CFAP44: variants seen among roughly 807,000 people sequenced by gnomAD.
The protein encoded by CFAP44 is cilia and flagella associated protein 44, also known as cilia- and flagella-associated protein 44.
A neutral mutation model predicts 216.2 loss-of-function variants in CFAP44; 134 were observed. The ratio of observed to expected loss-of-function variants is 0.62; its 90% CI spans 0.54 to 0.72. The LOEUF (loss-of-function observed/expected upper bound fraction) is 0.72. Ranked by LOEUF, CFAP44 falls within the 30% of genes least tolerant of loss-of-function variation. The pLI is 0.00. For synonymous variants in CFAP44, 700 were observed against 727.6 expected (o/e 0.96, Z 0.61); for missense variants, 2,035 against 2,182.1 (o/e 0.93, Z 1.34).
intron 24 of CFAP44, 125 bp downstream of exon 24, chr3:113,341,618 TG>T (rs1477398901): frequency 8.9e-7 from 1 of 1,119,142 alleles, no homozygotes; most frequent in Non-Finnish European, 1.2e-6. Context: ...TCTCCTTCTT[TG>T]TTTTTATTGT....
At chr3:113,326,696 A>G in intron 27 of CFAP44, 56 bp from the exon 28 acceptor site, 1 of 1,117,640 alleles carries the variant, frequency 8.9e-7, no homozygotes, top group Non-Finnish European at 1.2e-6. Context: ...CCAAGTTCAG[A>G]GAGCAATGTA....
intron 28 of CFAP44, among the ~76,000 whole-genome samples, chr3:113,312,885 A>T (rs1229882734): frequency 1.3e-5 from 2 of 152,132 alleles, no homozygotes; most frequent in African/African-American, 2.4e-5. Flanking sequence ...ATGTATGGAA[A>T]TGCCTGGATA....
chr3:113,435,734 T>TC (rs1935221412), intron 1 of CFAP44, among the ~76,000 whole-genome samples: 2 of 20,200 alleles, frequency 9.9e-5, no homozygotes, highest in Non-Finnish European at 2.1e-4. Flanking sequence ...GCTTCTAAAA[T>TC]TAAAAAAAAA....
chr3:113,311,558 T>C (rs1400127631), intron 28 of CFAP44, among the ~76,000 whole-genome samples: 1 of 152,200 alleles, frequency 6.6e-6, no homozygotes, highest in Non-Finnish European at 1.5e-5. Flanking sequence ...TAAGTCCAAT[T>C]AAACCTCTTT....
chr3:113,373,319 G>A lies in CFAP44; in HGVS notation c.2444+92C>T, dbSNP rs1478413354. The A allele has an allele frequency of 3.2e-6, 4 of 1,249,142 alleles. No homozygotes were observed. The African/African-American group carries it at 4.6e-5, about 14-fold the overall frequency. The allele number at this position is 1,249,142 out of a possible 1,614,324, so 77.4% of individuals were successfully genotyped here. On this transcript the variant is annotated intron_variant, in intron 18 of 34. Coordinates refer to ENST00000393845, the MANE Select transcript of CFAP44 (RefSeq NM_001164496.2). ...TTTTTGAGTACCCCTTCATTTGGAT[G>A]GATCTTTAAAAATTGACAATATCCA...
At chr3:113,431,936 C>A (rs1935116672) in intron 2 of CFAP44, among the ~76,000 whole-genome samples, 9 of 152,120 alleles carry the variant, frequency 5.9e-5, no homozygotes, top group Admixed American at 5.9e-4. Flanking sequence ...TTATAAAATT[C>A]CTCCTTTTTT....
intron 15 of CFAP44, among the ~76,000 whole-genome samples, chr3:113,383,233 C>A (rs1012598356): frequency 6.6e-6 from 1 of 152,186 alleles, no homozygotes; most frequent in Admixed American, 6.5e-5. Flanking sequence ...AACTAAGTAG[C>A]TTAAATGACA....
At position 113,364,326 on chromosome 3, in the gene CFAP44, T is replaced by C. The variant is rs16860875; in HGVS notation, c.2716-794A>G. 8.9e-3 allele frequency among the ~76,000 whole-genome samples: 1,358 copies of C among 152,252 alleles called. 17 individuals carry two copies. Among genetic ancestry groups the C allele is most frequent in the African/African-American group, 0.03 (1,265 of 41,572 alleles). On this transcript the variant is annotated intron_variant, in intron 19 of 34. Coordinates refer to ENST00000393845, the MANE Select transcript of CFAP44 (RefSeq NM_001164496.2). ...AAGATAGGTCTCTGTTTTGCTGTCA[T>C]TTGTTGTAAGTAAATAAAGATTCTC...
At chr3:113,440,095 G>T (rs1935326104) in intron 1 of CFAP44, among the ~76,000 whole-genome samples, 1 of 152,042 alleles carries the variant, frequency 6.6e-6, no homozygotes, top group African/African-American at 2.4e-5. Context: ...ATGGAGTCTG[G>T]CTCTGTCACC....
intron 24 of CFAP44, 134 bp from the exon 25 acceptor site, chr3:113,333,717 G>C: frequency 1.9e-6 from 2 of 1,042,246 alleles, no homozygotes; most frequent in South Asian, 4.6e-5. Context: ...TGCCACTTTT[G>C]TCACAGAGCC....
chr3:113,408,727 G>A (rs529370935), intron 7 of CFAP44, among the ~76,000 whole-genome samples: 8 of 152,120 alleles, frequency 5.3e-5, no homozygotes, highest in Non-Finnish European at 1.2e-4. Flanking sequence ...GCCAAGCGTT[G>A]TGGTGGGTGC....
chr3:113,349,822 C>G (rs1448504009), intron 22 of CFAP44, among the ~76,000 whole-genome samples: 1 of 152,230 alleles, frequency 6.6e-6, no homozygotes, highest in Non-Finnish European at 1.5e-5. Flanking sequence ...CAGTGTTAAT[C>G]TCCTGTCCCA....
intron 26 of CFAP44, among the ~76,000 whole-genome samples, chr3:113,328,710 A>AAAAAC (rs1950213345): frequency 1.4e-5 from 2 of 144,436 alleles, no homozygotes; most frequent in Non-Finnish European, 3.0e-5. Flanking sequence ...AAAAAAAAAA[A>AAAAAC]AAAAAAAAAA....
At chr3:113,314,201 C>A (rs549285766) in intron 28 of CFAP44, among the ~76,000 whole-genome samples, 50 of 152,178 alleles carry the variant, frequency 3.3e-4, no homozygotes, top group African/African-American at 1.1e-3. Context: ...ACAGGAGACA[C>A]CCAAATAAAT....
intron 22 of CFAP44, among the ~76,000 whole-genome samples, chr3:113,357,976 A>G (rs1950506688): frequency 6.6e-6 from 1 of 152,218 alleles, no homozygotes; most frequent in Admixed American, 6.5e-5. Flanking sequence ...ACTGTGGTAT[A>G]ATCATTTTAA....
intron 21 of CFAP44, chr3:113,360,318 G>A (rs1950527207): frequency 9.4e-6 from 2 of 213,370 alleles, no homozygotes; most frequent in Non-Finnish European, 2.0e-5. Flanking sequence ...GAAACATGTA[G>A]ATTGTATCAC....
intron 1 of CFAP44, chr3:113,434,768 T>C (rs1302857479): frequency 6.6e-6 from 1 of 152,202 alleles, no homozygotes; most frequent in Non-Finnish European, 1.5e-5. Context: ...TTATATGAAT[T>C]CCCCAACTGT....
chr3:113,386,456 T>G (rs1289243820), intron 15 of CFAP44, among the ~76,000 whole-genome samples: 1 of 152,248 alleles, frequency 6.6e-6, no homozygotes, highest in Non-Finnish European at 1.5e-5. Context: ...TGCTGTCTTC[T>G]TTTGTGTTTG....
At chr3:113,321,566 AG>A (rs1437304964) in intron 28 of CFAP44, among the ~76,000 whole-genome samples, 2 of 152,250 alleles carry the variant, frequency 1.3e-5, no homozygotes, top group Admixed American at 1.3e-4. Context: ...AAATAGGAAA[AG>A]AAGTCAAAAT....
Sources: allele counts gnomAD v4.1 joint callset (sites outside exome capture counted in the v4.1 genomes callset), GRCh38; gene constraint gnomAD v4.1.1; transcripts MANE v1.5; gene names NCBI Gene and HGNC (gene_info 2026-07-23, HGNC 2026-07-21).